Variants in TTC28 observed in about 807,000 individuals in gnomAD.
The protein encoded by TTC28 is tetratricopeptide repeat domain 28.
In TTC28, 61 loss-of-function variants were observed where a neutral mutation model predicts 198.0. The ratio of observed to expected loss-of-function variants is 0.31; its 90% CI spans 0.25 to 0.38. The LOEUF is 0.38. Among genes scored for constraint, TTC28 ranks in the 10% least tolerant of loss-of-function variants. TTC28 has a pLI of 1.00. For missense variants in TTC28, 2,678 were observed against 3,164.0 expected, an observed-to-expected ratio of 0.85 and a Z score of 3.69; for synonymous variants, 1,171 against 1,297.8, an observed-to-expected ratio of 0.90 and a Z score of 2.10.
chr22:28,565,031 A>G (rs1177180962), intron 2 of TTC28, among the ~76,000 whole-genome samples: 1 of 151,858 alleles, frequency 6.6e-6, no homozygotes, highest in Non-Finnish European at 1.5e-5. Context: ...CCATCATCAG[A>G]TTCTCAAAGA....
intron 2 of TTC28, among the ~76,000 whole-genome samples, chr22:28,346,288 G>A (rs926800369): frequency 2.6e-5 from 4 of 152,172 alleles, no homozygotes; most frequent in African/African-American, 9.7e-5. Flanking sequence ...CGCCAAACTT[G>A]TCAAAACGGG....
chr22:28,271,506 G>C (rs772314409), intron 5 of TTC28, among the ~76,000 whole-genome samples: 1 of 152,096 alleles, frequency 6.6e-6, no homozygotes, highest in Non-Finnish European at 1.5e-5. Context: ...TGTAGTTCCC[G>C]TAATTCCCAT....
chr22:28,268,377 T>G (rs1931823323), intron 5 of TTC28, among the ~76,000 whole-genome samples: 1 of 152,170 alleles, frequency 6.6e-6, no homozygotes, highest in Non-Finnish European at 1.5e-5. Flanking sequence ...CCAACAAATG[T>G]CCTTTTAAAA....
chr22:28,179,043 G>C (rs1418140971), intron 5 of TTC28, among the ~76,000 whole-genome samples: 1 of 152,190 alleles, frequency 6.6e-6, no homozygotes, highest in Non-Finnish European at 1.5e-5. Context: ...CCATGGAGTA[G>C]ACGAAAACTA....
intron 2 of TTC28, among the ~76,000 whole-genome samples, chr22:28,407,805 G>T (rs1159774190): frequency 6.6e-6 from 1 of 152,072 alleles, no homozygotes; most frequent in East Asian, 1.9e-4. Context: ...TTCTTACATG[G>T]CCAACCACTT....
intron 2 of TTC28, among the ~76,000 whole-genome samples, chr22:28,529,487 A>G (rs1246386137): frequency 1.3e-5 from 2 of 152,234 alleles, no homozygotes; most frequent in African/African-American, 4.8e-5. Flanking sequence ...AGGGCAGGGC[A>G]TAGCTGAACA....
At chr22:28,284,043 C>T (rs181403636) in intron 5 of TTC28, among the ~76,000 whole-genome samples, 20 of 152,182 alleles carry the variant, frequency 1.3e-4, no homozygotes, top group Admixed American at 1.2e-3. Context: ...CTACTACCAC[C>T]CTCAATATTC....
rs916865797 is a variant in TTC28, at chr22:28,409,423, T to C, written c.382-102780A>G. On this transcript the variant is annotated intron_variant, in intron 2 of 22. Transcript: ENST00000397906. ...AAAGCATCATATCCTGAGACCATTC[T>C]AACTCTTTGAAAGTTCTTCTTAAAT... 1.4e-4 allele frequency among the ~76,000 whole-genome samples: 22 copies of C among 152,258 alleles called. 1 individual carries two copies. The highest frequency in any genetic ancestry group is 1.4e-3 in the Admixed American group (22 of 15,288).
intron 2 of TTC28, among the ~76,000 whole-genome samples, chr22:28,623,403 A>G (rs2051030951): frequency 6.6e-6 from 1 of 152,228 alleles, no homozygotes; most frequent in Non-Finnish European, 1.5e-5. Context: ...AAAACTTGAC[A>G]ATATTAAAGG....
At position 28,205,207 on chromosome 22, in the gene TTC28, A is replaced by AAC. The variant is rs140266117; in HGVS notation, c.934-41610_934-41609dup. The stretch of plus-strand genomic sequence containing the variant: ...AAGAGATGCTCTTTTGTTTTAACGC[A>AAC]ACACACACACACACAGAGACCGGGG... On this transcript the variant is annotated intron_variant, in intron 5 of 22. Transcript: ENST00000397906. 9.8e-4 allele frequency among the ~76,000 whole-genome samples: 149 copies of AAC among 151,522 alleles called. 1 individual carries two copies. Among genetic ancestry groups the AAC allele is most frequent in the South Asian group, 4.0e-3 (19 of 4,804 alleles).
intron 2 of TTC28, among the ~76,000 whole-genome samples, chr22:28,468,924 A>G (rs2048063129): frequency 6.6e-6 from 1 of 152,086 alleles, no homozygotes; most frequent in Non-Finnish European, 1.5e-5. Flanking sequence ...AATGTCTAAT[A>G]CTAGTTGTTA....
chr22:28,017,943 C>G (rs1938434991), intron 13 of TTC28, among the ~76,000 whole-genome samples: 1 of 152,034 alleles, frequency 6.6e-6, no homozygotes, highest in African/African-American at 2.4e-5. Context: ...AGCTGAGCAC[C>G]CCCTGCCTGG....
intron 5 of TTC28, among the ~76,000 whole-genome samples, chr22:28,275,791 C>T (rs1932382682): frequency 6.6e-6 from 1 of 151,592 alleles, no homozygotes; most frequent in Non-Finnish European, 1.5e-5. Context: ...AACTATGCCG[C>T]CTACCCCTAC....
At chr22:28,553,503 C>G (rs1266645497) in intron 2 of TTC28, among the ~76,000 whole-genome samples, 1 of 151,592 alleles carries the variant, frequency 6.6e-6, no homozygotes, top group Non-Finnish European at 1.5e-5. Flanking sequence ...CGAGGAGCGT[C>G]TCTGCCCGGC....
intron 5 of TTC28, among the ~76,000 whole-genome samples, chr22:28,281,273 C>A (rs1031868715): frequency 6.6e-6 from 1 of 152,016 alleles, no homozygotes; most frequent in Non-Finnish European, 1.5e-5. Flanking sequence ...GACACTGAGG[C>A]TCTTTTTATT....
At chr22:28,022,907 C>T (rs1938669574) in intron 13 of TTC28, among the ~76,000 whole-genome samples, 2 of 152,226 alleles carry the variant, frequency 1.3e-5, no homozygotes, top group African/African-American at 4.8e-5. Context: ...GGGAGGTGAA[C>T]CTGGTGAACA....
At chr22:28,524,321 A>G (rs535281839) in intron 2 of TTC28, among the ~76,000 whole-genome samples, 5 of 151,976 alleles carry the variant, frequency 3.3e-5, no homozygotes, top group East Asian at 1.9e-4. Flanking sequence ...TTGGCCGGGC[A>G]TGGTGGCGGG....
intron 17 of TTC28, 21 bp downstream of exon 17, chr22:27,996,114 C>G: frequency 6.5e-7 from 1 of 1,542,424 alleles, no homozygotes. Context: ...TCGTTGAGTG[C>G]AGGGTGCCCG....
chr22:28,147,949 A>C (rs550778281), intron 6 of TTC28, among the ~76,000 whole-genome samples: 1 of 152,340 alleles, frequency 6.6e-6, no homozygotes, highest in East Asian at 1.9e-4. Context: ...AAATACAGAG[A>C]ATAGACTATT....
Sources: gnomAD v4.1 joint callset for allele counts (sites outside exome capture counted in the v4.1 genomes callset) on GRCh38, gnomAD v4.1.1 for gene constraint, MANE v1.5 for transcripts, NCBI Gene and HGNC (gene_info 2026-07-23, HGNC 2026-07-21) for gene names.